UBXN4: variants seen among roughly 807,000 people sequenced by gnomAD.
The protein encoded by UBXN4 is UBX domain protein 4, also known as UBX domain-containing protein 4.
A neutral mutation model predicts 66.2 loss-of-function variants in UBXN4; 35 were observed. The observed-to-expected ratio is 0.53, with a 90% CI of 0.40 to 0.70. UBXN4 has a LOEUF of 0.70. Among genes scored for constraint, UBXN4 ranks in the 30% least tolerant of loss-of-function variants. The pLI, the probability that UBXN4 is intolerant of heterozygous loss-of-function variation, is 0.00. For missense variants in UBXN4, 533 were observed against 599.8 expected (o/e 0.89, Z 1.16); for synonymous variants, 203 against 204.5 (o/e 0.99, Z 0.06).
intron 5 of UBXN4, among the ~76,000 whole-genome samples, chr2:135,756,056 A>C (rs1028506552): frequency 6.6e-6 from 1 of 152,204 alleles, no homozygotes; most frequent in African/African-American, 2.4e-5. Flanking sequence ...TTTCTATAAC[A>C]TGTAAAAAGC....
intron 12 of UBXN4, among the ~76,000 whole-genome samples, chr2:135,782,489 A>G (rs999133491): frequency 2.0e-5 from 3 of 152,236 alleles, no homozygotes; most frequent in South Asian, 2.1e-4. Flanking sequence ...TTATTAAGTC[A>G]CTAAGAAACA....
rs145930224 is a variant in UBXN4, at chr2:135,771,861, G to A, written c.823-559G>A. 2.7e-3 allele frequency among the ~76,000 whole-genome samples: 407 copies of A among 152,228 alleles called. 1 individual carries two copies. Among genetic ancestry groups the A allele is most frequent in the African/African-American group, 9.0e-3 (373 of 41,548 alleles). On this transcript the variant is annotated intron_variant, in intron 8 of 12. Transcript: ENST00000272638. ...TACAGGCGTGAGCCACCACACCCAG[G>A]CTTGTTGAGCATTTATTATGTACCA...
intron 1 of UBXN4, among the ~76,000 whole-genome samples, 181 bp downstream of exon 1, chr2:135,742,192 G>A (rs984218500): frequency 5.3e-5 from 8 of 152,150 alleles, no homozygotes; most frequent in Non-Finnish European, 8.8e-5. Context: ...ATCCCCCAGA[G>A]GGGCCATGCA....
At chr2:135,755,241 C>A (rs1162508244) in intron 4 of UBXN4, among the ~76,000 whole-genome samples, 1 of 151,804 alleles carries the variant, frequency 6.6e-6, no homozygotes, top group African/African-American at 2.4e-5. Flanking sequence ...GGACAAATGG[C>A]TGGTAGAAGT....
At chr2:135,780,877 G>C (rs2077445365) in intron 12 of UBXN4, among the ~76,000 whole-genome samples, 1 of 152,214 alleles carries the variant, frequency 6.6e-6, no homozygotes. Context: ...TGTGGAAACA[G>C]GTTATTGCTT....
At chr2:135,759,472 A>G (rs751532679) in intron 5 of UBXN4, among the ~76,000 whole-genome samples, 7 of 152,116 alleles carry the variant, frequency 4.6e-5, no homozygotes, top group Non-Finnish European at 1.5e-5. Context: ...AGTTTTTCCT[A>G]TAGTTTTCCA....
intron 6 of UBXN4, among the ~76,000 whole-genome samples, chr2:135,766,568 A>G (rs752973231): frequency 9.9e-5 from 15 of 152,208 alleles, no homozygotes; most frequent in Non-Finnish European, 1.8e-4. Flanking sequence ...TGAAGAGTCT[A>G]GGTTAGTTGT....
chr2:135,752,860 A>G (rs1031792864), intron 2 of UBXN4, among the ~76,000 whole-genome samples: 4 of 151,764 alleles, frequency 2.6e-5, no homozygotes, highest in South Asian at 2.1e-4. Context: ...AGCCGGGATT[A>G]CAGGTGTGTG....
At chr2:135,782,618 G>A (rs1316348385) in intron 12 of UBXN4, 131 bp from the exon 13 acceptor site, 1 of 1,075,260 alleles carries the variant, frequency 9.3e-7, no homozygotes, top group Non-Finnish European at 1.4e-6. Context: ...GTCTCCCATG[G>A]ACTTTCCTTA....
intron 5 of UBXN4, among the ~76,000 whole-genome samples, chr2:135,757,139 G>T (rs59578702): frequency 0.089 from 13,571 of 152,164 alleles, 948 homozygotes; most frequent in South Asian, 0.23. Context: ...TTGCTGGAAT[G>T]AATTACATGT....
intron 9 of UBXN4, among the ~76,000 whole-genome samples, chr2:135,773,448 C>T (rs999229354): frequency 6.6e-6 from 1 of 152,226 alleles, no homozygotes; most frequent in Non-Finnish European, 1.5e-5. Context: ...GTATCAGTCA[C>T]TGAGAATTCT....
At chr2:135,779,353 A>G (rs924379242) in intron 11 of UBXN4, among the ~76,000 whole-genome samples, 1 of 152,204 alleles carries the variant, frequency 6.6e-6, no homozygotes, top group African/African-American at 2.4e-5. Context: ...GAAGACAGTA[A>G]GAAATGCAGA....
chr2:135,776,855 G>A (rs1254750879), intron 10 of UBXN4, among the ~76,000 whole-genome samples: 1 of 152,148 alleles, frequency 6.6e-6, no homozygotes, highest in Non-Finnish European at 1.5e-5. Flanking sequence ...CAGCCTCGCA[G>A]TGCGTTGGGA....
At chr2:135,742,803 A>C (rs550473307) in intron 1 of UBXN4, 18 of 152,188 alleles carry the variant, frequency 1.2e-4, no homozygotes, top group Admixed American at 3.9e-4. Context: ...GTGTGAAATA[A>C]TGTAAGTTTA....
intron 10 of UBXN4, 83 bp downstream of exon 10, chr2:135,776,434 G>GA (rs2077415110): frequency 3.4e-6 from 4 of 1,171,280 alleles, no homozygotes; most frequent in Non-Finnish European, 4.9e-6. Flanking sequence ...AGCAGAAGTT[G>GA]AATGTGAGTG....
chr2:135,766,090 T>C (rs1297079905), intron 6 of UBXN4, among the ~76,000 whole-genome samples: 1 of 151,774 alleles, frequency 6.6e-6, no homozygotes. Flanking sequence ...GACGTAGAGA[T>C]TGCAGTGAGC....
intron 1 of UBXN4, among the ~76,000 whole-genome samples, chr2:135,746,360 A>G (rs1457150316): frequency 1.3e-5 from 2 of 152,234 alleles, no homozygotes. Context: ...TAGTCTTGTC[A>G]GTAAATAAAA....
chr2:135,752,073 A>G (rs562670573), intron 2 of UBXN4, among the ~76,000 whole-genome samples: 4 of 151,506 alleles, frequency 2.6e-5, no homozygotes. Context: ...TTTGAGACAG[A>G]GTCTCACATT....
Position 135,757,710 on chromosome 2 carries a change from G to C in UBXN4, c.508+2019G>C, listed in dbSNP as rs533775372. 2.0e-4 allele frequency among the ~76,000 whole-genome samples: 31 copies of C among 152,090 alleles called. 1 individual carries two copies. The South Asian group carries it at 2.1e-3, about 10-fold the overall frequency. On this transcript the variant is annotated intron_variant, in intron 5 of 12. Coordinates refer to ENST00000272638, the MANE Select transcript of UBXN4 (RefSeq NM_014607.4). ...TTTTAGTAGACAATTAACTTGGCTA[G>C]ACTAAAACTGCAAGCTCTGGCTTAC...
Sources: gnomAD v4.1 joint callset for allele counts (sites outside exome capture counted in the v4.1 genomes callset) on GRCh38, gnomAD v4.1.1 for gene constraint, MANE v1.5 for transcripts, NCBI Gene and HGNC (gene_info 2026-07-23, HGNC 2026-07-21) for gene names.